The following APBA2 variants were observed in gnomAD, a reference collection of about 807,000 sequenced individuals.
The protein encoded by APBA2 is amyloid-beta A4 precursor protein-binding family A member 2.
A neutral mutation model predicts 75.0 loss-of-function variants in APBA2; 30 were observed. That is an observed-to-expected ratio of 0.40 (90% CI 0.30 to 0.54). The LOEUF (loss-of-function observed/expected upper bound fraction) is 0.54, where lower values mean the gene tolerates loss of function less well. APBA2 is among the 20% of genes least tolerant of loss of function. The probability of loss-of-function intolerance (pLI) is 0.49; values close to 1 mark genes in which losing one functional copy is unlikely to be tolerated. For missense variants in APBA2, 801 were observed against 1,016.1 expected (o/e 0.79, Z 2.88); for synonymous variants, 444 against 409.6 (o/e 1.08, Z -1.01).
chr15:28,906,313 A>C (rs959326481), intron 1 of APBA2, among the ~76,000 whole-genome samples: 1 of 152,254 alleles, frequency 6.6e-6, no homozygotes, highest in African/African-American at 2.4e-5. Context: ...GAATGAGTTC[A>C]TGTCCTTTGG....
At position 29,028,947 on chromosome 15, in the gene APBA2, C is replaced by T. The variant is rs1031504812; in HGVS notation, c.-40-24898C>T. Among the ~76,000 whole-genome samples, 5 of 152,068 alleles carry T rather than the reference C, an allele frequency of 3.3e-5. No homozygotes were observed. In the South Asian group the frequency reaches 6.2e-4, roughly 19 times the overall value. ...GCTAGATTGCAAAAATTTTCTCCCA[C>T]TCTGTGGGTTGCCTGTTTGCTGTGA... On this transcript the variant is annotated intron_variant, in intron 3 of 14. Transcript: ENST00000683413.
At chr15:29,094,384 G>A (rs1181208972) in intron 8 of APBA2, 71 bp downstream of exon 8, 3 of 1,460,890 alleles carry the variant, frequency 2.1e-6, no homozygotes, top group African/African-American at 1.4e-5. Context: ...TGGGCAGTGG[G>A]GGCTGGGGGG....
chr15:29,100,192 A>G (rs2044048470), intron 9 of APBA2, among the ~76,000 whole-genome samples: 1 of 152,188 alleles, frequency 6.6e-6, no homozygotes, highest in Non-Finnish European at 1.5e-5. Flanking sequence ...TGTTTCTGAC[A>G]CCTGGGGATT....
intron 2 of APBA2, among the ~76,000 whole-genome samples, chr15:28,934,565 AG>A (rs2034747398): frequency 6.6e-6 from 1 of 152,144 alleles, no homozygotes; most frequent in African/African-American, 2.4e-5. Flanking sequence ...GCGGGAAACC[AG>A]GGGCTTGGGG....
chr15:29,104,681 A>G (rs2044308608), intron 10 of APBA2, among the ~76,000 whole-genome samples: 1 of 152,248 alleles, frequency 6.6e-6, no homozygotes, highest in Non-Finnish European at 1.5e-5. Context: ...TCCAGTGGGC[A>G]CTGGGTTCTG....
chr15:29,093,888 G>A (rs1467186700), intron 7 of APBA2, among the ~76,000 whole-genome samples: 1 of 152,174 alleles, frequency 6.6e-6, no homozygotes, highest in Non-Finnish European at 1.5e-5. Context: ...GGCCATCCGG[G>A]GTGGGCAGGA....
At chr15:29,068,427 CT>C (rs1313805864) in intron 4 of APBA2, among the ~76,000 whole-genome samples, 1 of 152,230 alleles carries the variant, frequency 6.6e-6, no homozygotes, top group Non-Finnish European at 1.5e-5. Context: ...TTCCGCAGCA[CT>C]GGTGGGTGAC....
intron 2 of APBA2, among the ~76,000 whole-genome samples, chr15:28,930,221 A>G (rs1429000150): frequency 1.3e-5 from 2 of 152,048 alleles, no homozygotes; most frequent in East Asian, 3.9e-4. Context: ...CTGTTTCCAG[A>G]AGAAGGCCCA....
At chr15:29,095,637 C>T (rs1387340722) in intron 8 of APBA2, among the ~76,000 whole-genome samples, 2 of 152,236 alleles carry the variant, frequency 1.3e-5, no homozygotes, top group African/African-American at 4.8e-5. Context: ...AGTTCCCCCT[C>T]CCTGCTTTGA....
chr15:28,895,635 GCAGT>G (rs2032432630), intron 1 of APBA2: 1 of 152,436 alleles, frequency 6.6e-6, no homozygotes, highest in Non-Finnish European at 1.5e-5. Context: ...TTTTGGGGCT[GCAGT>G]CAGTCTGTTT....
intron 13 of APBA2, among the ~76,000 whole-genome samples, chr15:29,113,183 CGTG>C (rs1237980417): frequency 6.6e-6 from 1 of 152,070 alleles, no homozygotes; most frequent in Non-Finnish European, 1.5e-5. Flanking sequence ...TGTCCAGTCT[CGTG>C]GTCACAGGCG....
chr15:28,901,998 C>A (rs570165912), intron 1 of APBA2, among the ~76,000 whole-genome samples: 1 of 143,774 alleles, frequency 7.0e-6, no homozygotes, highest in South Asian at 2.2e-4. Context: ...GGGGCTCCAG[C>A]GAGGTATGGC....
chr15:29,075,114 G>A (rs2042793675), intron 5 of APBA2, 113 bp downstream of exon 5: 1 of 861,892 alleles, frequency 1.2e-6, no homozygotes, highest in Non-Finnish European at 1.9e-6. Context: ...CCCACCCGGT[G>A]CCTGGGGGAG....
intron 3 of APBA2, among the ~76,000 whole-genome samples, chr15:29,015,086 C>G (rs1365365409): frequency 6.6e-6 from 1 of 152,004 alleles, no homozygotes; most frequent in African/African-American, 2.4e-5. Context: ...GGATTTGTGC[C>G]TGAAGAATAG....
At chr15:29,038,273 A>G (rs2040846421) in intron 3 of APBA2, among the ~76,000 whole-genome samples, 1 of 152,186 alleles carries the variant, frequency 6.6e-6, no homozygotes, top group Non-Finnish European at 1.5e-5. Flanking sequence ...ACGTCCCTCC[A>G]CAGCACCTGG....
At chr15:28,917,255 A>G (rs1205093101) in intron 1 of APBA2, among the ~76,000 whole-genome samples, 2 of 151,734 alleles carry the variant, frequency 1.3e-5, no homozygotes, top group Admixed American at 6.6e-5. Flanking sequence ...TCTCATGAAC[A>G]CTCCTCAATT....
In APBA2 at chr15:28,885,991, T is replaced by TGAGGCGGAAGCGGCCGGGGCGGGGGC; in HGVS notation, c.-490_-465dup. 6.7e-6 allele frequency: 1 copy of TGAGGCGGAAGCGGCCGGGGCGGGGGC among 149,450 alleles called. No individual in the cohort carries two copies. The highest frequency in any genetic ancestry group is 2.0e-4 in the East Asian group (1 of 5,022). 9.3% of individuals were successfully genotyped at this position (149,450 alleles called of 1,614,324 possible). On this transcript the variant is annotated 5_prime_UTR_variant, in exon 1 of 15. Transcript: ENST00000683413. ...CCGGCCCCAGTGTGCCCGGCGCGGGTGAGGCGGAAGCGGCCGGGGCGGGGG... is the reference window on the plus strand; with the variant it reads ...CCGGCCCCAGTGTGCCCGGCGCGGGTGAGGCGGAAGCGGCCGGGGCGGGGGCGAGGCGGAAGCGGCCGGGGCGGGGG...
chr15:29,013,104 T>G (rs543641464), intron 3 of APBA2, among the ~76,000 whole-genome samples: 37 of 152,082 alleles, frequency 2.4e-4, no homozygotes, highest in Non-Finnish European at 4.1e-4. Context: ...CACAAGCTAG[T>G]GCATCATAGC....
chr15:28,897,753 A>T (rs375829042), intron 1 of APBA2, among the ~76,000 whole-genome samples: 154 of 152,282 alleles, frequency 1.0e-3, no homozygotes, highest in African/African-American at 3.5e-3. Context: ...TTGTAGAATT[A>T]ACTAAAGCCA....
Sources: allele counts gnomAD v4.1 joint callset (sites outside exome capture counted in the v4.1 genomes callset), GRCh38; gene constraint gnomAD v4.1.1; transcripts MANE v1.5; gene names NCBI Gene and HGNC (gene_info 2026-07-23, HGNC 2026-07-21).